FOXN2: variants seen among roughly 807,000 people sequenced by gnomAD.
The protein encoded by FOXN2 is forkhead box protein N2.
Under a neutral mutation model 41.2 loss-of-function variants are expected in FOXN2, and 19 were observed. That is an observed-to-expected ratio of 0.46 (90% confidence interval 0.32 to 0.68). The LOEUF is 0.68. Ranked by LOEUF, FOXN2 falls within the 30% of genes least tolerant of loss-of-function variation. FOXN2 has a pLI of 0.03. For missense variants in FOXN2, 587 were observed against 509.4 expected, an observed-to-expected ratio of 1.15 and a Z score of -1.47; for synonymous variants, 195 against 176.8, an observed-to-expected ratio of 1.10 and a Z score of -0.82.
intron 1 of FOXN2, among the ~76,000 whole-genome samples, chr2:48,324,158 A>G (rs1057166380): frequency 6.6e-6 from 1 of 151,788 alleles, no homozygotes; most frequent in Non-Finnish European, 1.5e-5. Context: ...AGTATAACGC[A>G]TAGTATTCTG....
chr2:48,356,349 G>C (rs544556498), intron 3 of FOXN2, among the ~76,000 whole-genome samples: 1 of 152,012 alleles, frequency 6.6e-6, no homozygotes, highest in South Asian at 2.1e-4. Flanking sequence ...GCTGAGGCAA[G>C]GGAATCGTCC....
At chr2:48,316,708 G>A (rs1055504056) in intron 1 of FOXN2, among the ~76,000 whole-genome samples, 1 of 152,202 alleles carries the variant, frequency 6.6e-6, no homozygotes, top group African/African-American at 2.4e-5. Context: ...GGAGAGTTTG[G>A]AAAATTTTTG....
chr2:48,373,228 C>A, intron 5 of FOXN2, 64 bp from the exon 6 acceptor site: 2 of 1,174,462 alleles, frequency 1.7e-6, no homozygotes, highest in Admixed American at 2.1e-5. Context: ...CAGGGGCATG[C>A]AAATACTTAG....
Position 48,346,454 on chromosome 2 carries a change from A to T in FOXN2, c.240A>T (p.Pro80=). Residue 80 remains proline (P), a synonymous_variant, in exon 3 of 7, where the codon CCA becomes CCT. Coordinates refer to ENST00000340553, the MANE Select transcript of FOXN2 (RefSeq NM_002158.4). Reference sequence around the variant, plus strand: ...TCAGCCTCGGAAGTGAGGGTCTTCCAATTGTTAGTCCATTGTATGACATAG... The same window carrying T: ...TCAGCCTCGGAAGTGAGGGTCTTCCTATTGTTAGTCCATTGTATGACATAG... The part of the protein sequence containing the change: ...TNFSLGSEGL[P]IVSPLYDIEG... The T allele has an allele frequency of 6.2e-7, 1 of 1,614,198 alleles. No homozygotes were observed. The highest frequency in any genetic ancestry group is 8.5e-7 in the Non-Finnish European group (1 of 1,180,034).
rs1032656583 is a variant in FOXN2, at chr2:48,354,579, A to G, written c.538-4468A>G. ...TGTGCCACTGCACTCCAGCCTGGCA[A>G]CAGAGCGAGACTTCGTCTCAAAAAC... On this transcript the variant is annotated intron_variant, in intron 3 of 6. Coordinates refer to ENST00000340553, the MANE Select transcript of FOXN2 (RefSeq NM_002158.4). Among the ~76,000 whole-genome samples the G allele has an allele frequency of 5.9e-5, 9 of 152,342 alleles. No homozygotes were observed. In the East Asian group the frequency reaches 1.7e-3, roughly 29 times the overall value.
chr2:48,347,590 C>T (rs1017188974), intron 3 of FOXN2, among the ~76,000 whole-genome samples: 17 of 151,018 alleles, frequency 1.1e-4, no homozygotes, highest in African/African-American at 3.9e-4. Context: ...TCTACTATTG[C>T]CTGATTATTT....
At chr2:48,363,725 A>G (rs892048152) in intron 5 of FOXN2, among the ~76,000 whole-genome samples, 12 of 152,196 alleles carry the variant, frequency 7.9e-5, no homozygotes, top group Non-Finnish European at 1.6e-4. Flanking sequence ...CACAAATACC[A>G]TTTGTGATAC....
At chr2:48,367,722 A>T (rs1672621621) in intron 5 of FOXN2, among the ~76,000 whole-genome samples, 1 of 152,204 alleles carries the variant, frequency 6.6e-6, no homozygotes, top group Admixed American at 6.5e-5. Context: ...TTATAACCTT[A>T]CTCTCATATG....
chr2:48,365,333 T>TA (rs1324918528), intron 5 of FOXN2, among the ~76,000 whole-genome samples: 1 of 152,230 alleles, frequency 6.6e-6, no homozygotes, highest in Non-Finnish European at 1.5e-5. Context: ...GTGTTCCTGT[T>TA]ACCTACATCA....
At chr2:48,368,274 AAC>A (rs1453267751) in intron 5 of FOXN2, among the ~76,000 whole-genome samples, 2 of 152,354 alleles carry the variant, frequency 1.3e-5, no homozygotes, top group East Asian at 3.9e-4. Context: ...TGTTTTTAAA[AAC>A]AGAGCCACCT....
chr2:48,325,844 C>CTTTTTTT (rs959535701), intron 1 of FOXN2, among the ~76,000 whole-genome samples: 2 of 102,898 alleles, frequency 1.9e-5, no homozygotes, highest in Non-Finnish European at 4.0e-5. Flanking sequence ...CTCAAGATTT[C>CTTTTTTT]TTTTTTTTTT....
chr2:48,371,018 T>C (rs957438649), intron 5 of FOXN2, among the ~76,000 whole-genome samples: 1 of 152,186 alleles, frequency 6.6e-6, no homozygotes, highest in Non-Finnish European at 1.5e-5. Flanking sequence ...CCTGTAGATA[T>C]ATATCCAATT....
chr2:48,323,127 G>A (rs367897170), intron 1 of FOXN2, among the ~76,000 whole-genome samples: 15 of 151,428 alleles, frequency 9.9e-5, no homozygotes, highest in African/African-American at 3.4e-4. Flanking sequence ...TCATGATGGA[G>A]GTTTTTTATT....
intron 2 of FOXN2, among the ~76,000 whole-genome samples, chr2:48,334,321 GGATACTTCCAA>G (rs1670199178): frequency 1.3e-5 from 2 of 152,062 alleles, no homozygotes; most frequent in South Asian, 4.1e-4. Context: ...TTACCTCCAG[GGATACTTCCAA>G]TTGAGATTCA....
intron 1 of FOXN2, among the ~76,000 whole-genome samples, chr2:48,315,694 C>T (rs1668865087): frequency 6.6e-6 from 1 of 152,198 alleles, no homozygotes; most frequent in Non-Finnish European, 1.5e-5. Context: ...GTGCTCCGTG[C>T]TCCATCCTCC....
chr2:48,375,061 G>A lies in FOXN2; in HGVS notation c.914G>A (p.Ser305Asn). 3 of 1,614,088 alleles carry A rather than the reference G, an allele frequency of 1.9e-6. No homozygotes were observed. The highest frequency in any genetic ancestry group is 1.3e-5 in the African/African-American group (1 of 75,050). The change falls in exon 7 of 7, where the codon AGT (serine) becomes AAT (asparagine). Residue 305 changes from serine to asparagine, a missense_variant. By Grantham distance (46) the Ser-to-Asn change is conservative. Coordinates refer to ENST00000340553, the MANE Select transcript of FOXN2 (RefSeq NM_002158.4). Reference protein sequence around the residue: ...SIDPKEDHNYSASSMAAQRCA... With the variant: ...SIDPKEDHNYNASSMAAQRCA... ...GATCCAAAAGAAGATCACAATTACA[G>A]TGCAAGTAGCATGGCAGCACAGCGT...
At chr2:48,357,528 T>G (rs1299232625) in intron 3 of FOXN2, among the ~76,000 whole-genome samples, 1 of 151,682 alleles carries the variant, frequency 6.6e-6, no homozygotes, top group African/African-American at 2.4e-5. Flanking sequence ...GAGACAGCGT[T>G]TCACTCTGTC....
intron 2 of FOXN2, among the ~76,000 whole-genome samples, chr2:48,340,181 A>C (rs918665083): frequency 1.3e-5 from 2 of 152,218 alleles, no homozygotes; most frequent in African/African-American, 4.8e-5. Flanking sequence ...TTTTGTGTTT[A>C]GTAGGTTTCT....
rs1168295765 is a variant in FOXN2 at position 48,376,895 on chromosome 2, T to C, written c.*1452T>C. On this transcript the variant is annotated 3_prime_UTR_variant, in exon 7 of 7. Transcript: ENST00000340553. Reference sequence around the variant, plus strand: ...TTGTATACATATGTACACATACATATACACATATGCACAGTCAAGGTCATG... The same window carrying C: ...TTGTATACATATGTACACATACATACACACATATGCACAGTCAAGGTCATG... 1 of 152,524 alleles carries C rather than the reference T, an allele frequency of 6.6e-6. No individual in the cohort carries two copies. The highest frequency in any genetic ancestry group is 2.4e-5 in the African/African-American group (1 of 41,456). 9.4% of individuals were successfully genotyped at this position (152,524 alleles called of 1,614,324 possible). A position where few individuals can be genotyped will look rare whatever the true frequency, so the allele number is the denominator to read the frequency against.
Sources: gnomAD v4.1 joint callset for allele counts (sites outside exome capture counted in the v4.1 genomes callset) on GRCh38, gnomAD v4.1.1 for gene constraint, MANE v1.5 for transcripts, NCBI Gene and HGNC (gene_info 2026-07-23, HGNC 2026-07-21) for gene names.